ZBED4: variants seen among roughly 807,000 people sequenced by gnomAD.
ZBED4 encodes zinc finger BED-type containing 4, also known as zinc finger BED domain-containing protein 4.
A neutral mutation model predicts 15.5 loss-of-function variants in ZBED4; 4 were observed. The observed-to-expected ratio is 0.26, with a 90% CI of 0.13 to 0.59. The LOEUF (loss-of-function observed/expected upper bound fraction) is 0.59, where lower values mean the gene tolerates loss of function less well. Among genes scored for constraint, ZBED4 ranks in the 20% least tolerant of loss-of-function variants. The pLI, the probability that ZBED4 is intolerant of heterozygous loss-of-function variation, is 0.90. For synonymous variants in ZBED4, 692 were observed against 608.5 expected (o/e 1.14, Z -2.02); for missense variants, 1,323 against 1,461.8 (o/e 0.91, Z 1.55).
At chr22:49,854,245 G>A (rs2060265286) in intron 1 of ZBED4, among the ~76,000 whole-genome samples, 1 of 149,162 alleles carries the variant, frequency 6.7e-6, no homozygotes, top group African/African-American at 2.4e-5. Flanking sequence ...GGGGGTCGGC[G>A]CCCGGCCTGG....
rs2060395829 is a variant in ZBED4, at chr22:49,879,378, C to T, written c.-329-3956C>T. ...CTGAGCTCGGTTGATCCGTCTGCCT[C>T]ATCCTCCCGAAGTGCTGCGATTACA... On this transcript the variant is annotated intron_variant, in intron 1 of 1. Transcript: ENST00000216268. 2.0e-5 allele frequency among the ~76,000 whole-genome samples: 3 copies of T among 152,064 alleles called. No individual in the cohort carries two copies. In the South Asian group the frequency reaches 6.2e-4, roughly 32 times the overall value.
intron 1 of ZBED4, among the ~76,000 whole-genome samples, chr22:49,872,669 G>C (rs2092979): frequency 0.91 from 138,679 of 152,082 alleles, 63,350 homozygotes; most frequent in African/African-American, 0.97. Context: ...AGCTGGGACT[G>C]CAGGTGTATG....
At chr22:49,878,831 C>G (rs1049646875) in intron 1 of ZBED4, among the ~76,000 whole-genome samples, 1 of 151,948 alleles carries the variant, frequency 6.6e-6, no homozygotes, top group African/African-American at 2.4e-5. Context: ...AACCTTGTCT[C>G]TACTAAAAAT....
chr22:49,877,258 ATTATTTAT>A (rs200275015), intron 1 of ZBED4, among the ~76,000 whole-genome samples: 7,473 of 144,666 alleles, frequency 0.052, 373 homozygotes, highest in African/African-American at 0.13. Context: ...AAACAGCTTT[ATTATTTAT>A]TTATTTATTT....
rs1311419195 is a variant in ZBED4 at position 49,887,489 on chromosome 22, A to G, written c.*311A>G. 2 of 253,360 alleles carry G rather than the reference A, an allele frequency of 7.9e-6. No homozygotes were observed. Among genetic ancestry groups the G allele is most frequent in the African/African-American group, 4.5e-5 (2 of 44,908 alleles). 15.7% of individuals were successfully genotyped at this position (253,360 alleles called of 1,614,324 possible). On this transcript the variant is annotated 3_prime_UTR_variant, in exon 2 of 2. Coordinates refer to ENST00000216268, the MANE Select transcript of ZBED4 (RefSeq NM_014838.3). ...TGGGTTAGTAATTTGTTTTACTAGA[A>G]TGACAAAGAAGATGTAAACCATTTT...
rs1438929580 is a variant in ZBED4, at chr22:49,889,374, A to AG, written c.*2199dup. 6.0e-6 allele frequency: 1 copy of AG among 167,098 alleles called. No individual in the cohort carries two copies. Among genetic ancestry groups the AG allele is most frequent in the East Asian group, 1.9e-4 (1 of 5,202 alleles). 10.4% of individuals were successfully genotyped at this position (167,098 alleles called of 1,614,324 possible). A position where few individuals can be genotyped will look rare whatever the true frequency, so the allele number is the denominator to read the frequency against. On this transcript the variant is annotated 3_prime_UTR_variant, in exon 2 of 2. Transcript: ENST00000216268. ...TGACAGAGACCACAGGCCCACTGAA[A>AG]GGGACAAACAGGGCTGAAAATACTC... is the stretch of plus-strand genomic sequence containing the variant.
At position 49,885,709 on chromosome 22, in the gene ZBED4, A is replaced by G; in HGVS notation, c.2047A>G (p.Arg683Gly). The change falls in exon 2 of 2, where the codon AGG becomes GGG. Residue 683 changes from arginine (R) to glycine (G), a missense_variant. Physicochemically the swap from Arg to Gly is moderately radical, Grantham distance 125. Transcript: ENST00000216268. ...TTTTGTAGACAACGTTGGCTTTAAC[A>G]GGCTGCTTGAATACTTGAAACCTCA... is the stretch of plus-strand genomic sequence containing the variant. ...YSFVDNVGFN[R>G]LLEYLKPQYS... 1 of 1,608,448 alleles carries G rather than the reference A, an allele frequency of 6.2e-7. No homozygotes were observed. The highest frequency in any genetic ancestry group is 8.5e-7 in the Non-Finnish European group (1 of 1,175,452).
Position 49,884,725 on chromosome 22 carries a change from C to G in ZBED4, c.1063C>G (p.Pro355Ala), listed in dbSNP as rs1452715378. The G allele has an allele frequency of 6.3e-7, 1 of 1,594,034 alleles. No homozygotes were observed. The highest frequency in any genetic ancestry group is 1.3e-5 in the African/African-American group (1 of 74,754). The change falls in exon 2 of 2, where the codon CCT (proline) becomes GCT (alanine). Residue 355 changes from proline (P) to alanine (A), a missense_variant. Pro to Ala is a conservative substitution (Grantham distance 27). Around this residue, in one of 6 missense-constraint regions of ZBED4, gnomAD observed 429 missense variants for 397.9 expected, o/e 1.08. Transcript: ENST00000216268. ...GGGCATCCCGCCACTGTACTCCACC[C>G]CTCCCACTCTGCTGCCTTCCTTGCT... ...GTGIPPLYSTPPTLLPSLLPP... is the reference protein window; with the variant it reads ...GTGIPPLYSTAPTLLPSLLPP...
intron 1 of ZBED4, among the ~76,000 whole-genome samples, chr22:49,856,039 C>G (rs1220944509): frequency 1.3e-5 from 2 of 152,260 alleles, no homozygotes; most frequent in African/African-American, 4.8e-5. Flanking sequence ...ATTCGGGCCT[C>G]TCTGCATCCC....
intron 1 of ZBED4, among the ~76,000 whole-genome samples, chr22:49,857,686 G>A (rs2060280293): frequency 6.6e-6 from 1 of 152,092 alleles, no homozygotes; most frequent in Non-Finnish European, 1.5e-5. Flanking sequence ...CTGTCTCCTG[G>A]ATTCAAGTGA....
intron 1 of ZBED4, among the ~76,000 whole-genome samples, chr22:49,881,555 T>G (rs1398641673): frequency 1.3e-5 from 2 of 152,218 alleles, no homozygotes; most frequent in African/African-American, 2.4e-5. Context: ...TGGCTAATTT[T>G]GTTTGTAAAG....
chr22:49,867,250 T>C (rs752429219), intron 1 of ZBED4, among the ~76,000 whole-genome samples: 4 of 152,250 alleles, frequency 2.6e-5, no homozygotes, highest in African/African-American at 4.8e-5. Flanking sequence ...TCCATTGTGT[T>C]TAGAGGACTT....
intron 1 of ZBED4, among the ~76,000 whole-genome samples, chr22:49,868,221 T>A (rs1328042455): frequency 6.6e-6 from 1 of 152,200 alleles, no homozygotes; most frequent in Non-Finnish European, 1.5e-5. Flanking sequence ...ACTGTTCTAG[T>A]TTTCCTTTTA....
At chr22:49,867,609 C>T (rs986805130) in intron 1 of ZBED4, among the ~76,000 whole-genome samples, 1 of 152,162 alleles carries the variant, frequency 6.6e-6, no homozygotes, top group Non-Finnish European at 1.5e-5. Flanking sequence ...CAGAAAGTCA[C>T]CCACCTCAGC....
chr22:49,857,921 G>A lies in ZBED4; in HGVS notation c.-330+3932G>A, dbSNP rs113932126. Among the ~76,000 whole-genome samples the A allele has an allele frequency of 7.6e-3, 1,154 of 152,208 alleles. 12 individuals are homozygous for A. The highest frequency in any genetic ancestry group is 0.034 in the Middle Eastern group (10 of 294). On this transcript the variant is annotated intron_variant, in intron 1 of 1. Coordinates refer to ENST00000216268, the MANE Select transcript of ZBED4 (RefSeq NM_014838.3). The stretch of plus-strand genomic sequence containing the variant: ...ACAATAGGCGTGCGCCACCGTGCCC[G>A]GTTAATTTTTTTTTGCATTTTTAGT...
chr22:49,882,294 A>G (rs963206544), intron 1 of ZBED4, among the ~76,000 whole-genome samples: 2 of 152,142 alleles, frequency 1.3e-5, no homozygotes, highest in African/African-American at 2.4e-5. Context: ...GCTCGCGCAT[A>G]TAACTCCAGC....
intron 1 of ZBED4, among the ~76,000 whole-genome samples, chr22:49,858,699 G>A (rs1009388944): frequency 5.3e-5 from 8 of 152,152 alleles, no homozygotes; most frequent in Non-Finnish European, 1.0e-4. Context: ...AATGACAGTC[G>A]CGTCATCGAT....
chr22:49,884,753 C>A lies in ZBED4; in HGVS notation c.1091C>A (p.Pro364Gln). ...TPPTLLPSLL[P>Q]PEGELSSVSS... Reference sequence around the variant, plus strand: ...CCCACTCTGCTGCCTTCCTTGCTGCCGCCGGAGGGGGAGCTCAGCTCTGTG... The same window carrying A: ...CCCACTCTGCTGCCTTCCTTGCTGCAGCCGGAGGGGGAGCTCAGCTCTGTG... Residue 364 changes from proline (P) to glutamine (Q), a missense_variant, in exon 2 of 2, where the codon CCG (proline) becomes CAG (glutamine). Transcript: ENST00000216268. 6.3e-7 allele frequency: 1 copy of A among 1,594,106 alleles called. No individual in the cohort carries two copies. The highest frequency in any genetic ancestry group is 8.6e-7 in the Non-Finnish European group (1 of 1,167,102).
In ZBED4 at chr22:49,853,857, G is replaced by C. The variant is rs1335716139; in HGVS notation, c.-462G>C. On this transcript the variant is annotated 5_prime_UTR_variant, in exon 1 of 2. Transcript: ENST00000216268. ...CCTGGGAGGGGCGCAGCGTCCGGCG[G>C]CGTCGCGGGCGGCGGGCGGCGGGGC... 1 of 144,872 alleles carries C rather than the reference G, an allele frequency of 6.9e-6. No homozygotes were observed. Among genetic ancestry groups the C allele is most frequent in the Non-Finnish European group, 1.5e-5 (1 of 65,256 alleles). The allele number at this position is 144,872 out of a possible 1,614,324, so 9.0% of individuals were successfully genotyped here.
Sources: gnomAD v4.1 joint callset for allele counts (sites outside exome capture counted in the v4.1 genomes callset) on GRCh38, gnomAD v4.1.1 for gene constraint, gnomAD v4.1.1 regional missense constraint, MANE v1.5 for transcripts, NCBI Gene and HGNC (gene_info 2026-07-23, HGNC 2026-07-21) for gene names.